SCN8A: variants seen among roughly 807,000 people sequenced by gnomAD.
SCN8A encodes the protein sodium channel protein type 8 subunit alpha.
Under a neutral mutation model 184.1 loss-of-function variants are expected in SCN8A, and 30 were observed. The observed-to-expected ratio is 0.16, with a 90% confidence interval of 0.12 to 0.22. The LOEUF (loss-of-function observed/expected upper bound fraction) is 0.22. Among genes scored for constraint, SCN8A ranks in the 10% least tolerant of loss-of-function variants. SCN8A has a pLI of 1.00. For synonymous variants in SCN8A, 852 were observed against 907.0 expected, an observed-to-expected ratio of 0.94 and a Z score of 1.09; for missense variants, 1,057 against 2,498.9, an observed-to-expected ratio of 0.42 and a Z score of 12.30.
chr12:51,791,338 C>T (rs1031554379), intron 25 of SCN8A, among the ~76,000 whole-genome samples: 1 of 152,120 alleles, frequency 6.6e-6, no homozygotes, highest in Non-Finnish European at 1.5e-5. Context: ...CTCCCCTCAC[C>T]CCCACACGCC....
intron 12 of SCN8A, among the ~76,000 whole-genome samples, chr12:51,727,240 T>TA (rs1565901785): frequency 6.6e-6 from 1 of 152,078 alleles, no homozygotes; most frequent in Non-Finnish European, 1.5e-5. Flanking sequence ...CCAAAGAACT[T>TA]ACTTAAGGTT....
chr12:51,737,981 A>C (rs916236319), intron 12 of SCN8A, among the ~76,000 whole-genome samples: 8 of 152,148 alleles, frequency 5.3e-5, no homozygotes, highest in African/African-American at 1.9e-4. Flanking sequence ...TAAAGCCTCC[A>C]ATTTTTCTTT....
chr12:51,772,010 A>G (rs535500683), intron 19 of SCN8A, among the ~76,000 whole-genome samples: 52 of 152,294 alleles, frequency 3.4e-4, no homozygotes, highest in African/African-American at 1.2e-3. Flanking sequence ...TTTACTGCTC[A>G]CCTTTGACAG....
chr12:51,751,365 G>C lies in SCN8A; in HGVS notation c.2142G>C (p.Glu714Asp). Residue 714 changes from glutamate to aspartate, a missense_variant, in exon 14 of 27, where the codon GAG (glutamate) becomes GAC (aspartate). By Grantham distance (45) the Glu-to-Asp change is conservative (BLOSUM62 2). This residue lies in a region of SCN8A where 322 missense variants were observed against 390.1 expected (regional missense o/e 0.83). Coordinates refer to ENST00000627620, the MANE Select transcript of SCN8A (RefSeq NM_001330260.2). ...VTNTLVEELE[E>D]SQRKCPPCWY... is the part of the protein sequence containing the mutation. Reference sequence around the variant, plus strand: ...TCTTACTTACTGTAGAACTGGAAGAGTCTCAGAGAAAGTGCCCGCCATGCT... The same window carrying C: ...TCTTACTTACTGTAGAACTGGAAGACTCTCAGAGAAAGTGCCCGCCATGCT... 1 of 1,612,852 alleles carries C rather than the reference G, an allele frequency of 6.2e-7. No homozygotes were observed. Among genetic ancestry groups the C allele is most frequent in the African/African-American group, 1.3e-5 (1 of 75,026 alleles).
intron 17 of SCN8A, 81 bp from the exon 18 acceptor site, chr12:51,769,787 C>A: frequency 1.1e-6 from 1 of 906,104 alleles, no homozygotes; most frequent in Non-Finnish European, 1.8e-6. Flanking sequence ...GCCCCTCATC[C>A]CCACCAGAGG....
chr12:51,682,041 T>C (rs1470079064), intron 2 of SCN8A, among the ~76,000 whole-genome samples: 2 of 152,218 alleles, frequency 1.3e-5, no homozygotes, highest in African/African-American at 4.8e-5. Context: ...ACTTTTATTA[T>C]GAAAGGTGTT....
rs567764105 is a variant in SCN8A at position 51,660,211 on chromosome 12, G to A, written c.-54-2553G>A. Among the ~76,000 whole-genome samples the A allele has an allele frequency of 2.0e-5, 3 of 152,256 alleles. No individual in the cohort carries two copies. In the South Asian group the frequency reaches 6.2e-4, roughly 32 times the overall value. ...GTAAAGGGAGAAGATACAGGAAAAG[G>A]TACAATTGAAGATGGGATGAAGAGC... On this transcript the variant is annotated intron_variant, in intron 1 of 26. Transcript: ENST00000627620.
At chr12:51,624,117 G>A (rs1200121978) in intron 1 of SCN8A, among the ~76,000 whole-genome samples, 1 of 152,190 alleles carries the variant, frequency 6.6e-6, no homozygotes, top group Non-Finnish European at 1.5e-5. Flanking sequence ...AGTCCTTTGG[G>A]TATATACCCA....
At chr12:51,637,882 T>C (rs1940353236) in intron 1 of SCN8A, among the ~76,000 whole-genome samples, 1 of 152,196 alleles carries the variant, frequency 6.6e-6, no homozygotes, top group Non-Finnish European at 1.5e-5. Flanking sequence ...AGGACTTTCA[T>C]AGCTAGAGAG....
At chr12:51,708,707 A>G (rs1030792855) in intron 11 of SCN8A, among the ~76,000 whole-genome samples, 3 of 151,930 alleles carry the variant, frequency 2.0e-5, no homozygotes, top group Admixed American at 6.6e-5. Flanking sequence ...TGGCTTTACA[A>G]TTGTATTATT....
chr12:51,712,958 C>A, intron 11 of SCN8A: 1 of 1,593,078 alleles, frequency 6.3e-7, no homozygotes, highest in Non-Finnish European at 8.6e-7. Context: ...GATCCACCTC[C>A]ACGACCTGTC....
chr12:51,719,804 C>T lies in SCN8A; in HGVS notation c.1636-1742C>T, dbSNP rs568068617. 4.6e-5 allele frequency among the ~76,000 whole-genome samples: 7 copies of T among 151,898 alleles called. No individual in the cohort carries two copies. In the East Asian group the frequency reaches 5.8e-4, roughly 13 times the overall value. ...ATGCTAAAGAATTCTTGGCCGGGCGCGGTGGCTCACGCCTGTAATCCCAGC... is the reference window on the plus strand; with the variant it reads ...ATGCTAAAGAATTCTTGGCCGGGCGTGGTGGCTCACGCCTGTAATCCCAGC... On this transcript the variant is annotated intron_variant, in intron 11 of 26. Transcript: ENST00000627620.
intron 13 of SCN8A, among the ~76,000 whole-genome samples, chr12:51,750,154 G>A (rs983903672): frequency 3.3e-5 from 5 of 152,174 alleles, no homozygotes; most frequent in Admixed American, 1.3e-4. Flanking sequence ...TGATTTTTCA[G>A]TCTGTGTGTA....
intron 2 of SCN8A, among the ~76,000 whole-genome samples, chr12:51,676,668 C>G (rs1010616491): frequency 1.2e-4 from 19 of 152,176 alleles, no homozygotes; most frequent in African/African-American, 4.6e-4. Context: ...AATGAGAGGA[C>G]CAGTTAGTTC....
At chr12:51,591,839 C>T (rs1277315796) in intron 1 of SCN8A, among the ~76,000 whole-genome samples, 3 of 151,974 alleles carry the variant, frequency 2.0e-5, no homozygotes, top group African/African-American at 7.2e-5. Flanking sequence ...GCCGGCTTCA[C>T]ACTGCTAAAA....
At chr12:51,727,698 C>G (rs1230325987) in intron 12 of SCN8A, among the ~76,000 whole-genome samples, 2 of 152,180 alleles carry the variant, frequency 1.3e-5, no homozygotes, top group East Asian at 3.8e-4. Context: ...AATAGTAGCT[C>G]ATGCCTGTAA....
At chr12:51,782,971 C>T (rs972553667) in intron 21 of SCN8A, among the ~76,000 whole-genome samples, 3 of 152,192 alleles carry the variant, frequency 2.0e-5, no homozygotes, top group African/African-American at 7.2e-5. Context: ...AAAGCGTCTA[C>T]ATCAAGATTT....
intron 26 of SCN8A, 150 bp downstream of exon 26, chr12:51,794,791 C>A: frequency 1.4e-6 from 1 of 695,904 alleles, no homozygotes; most frequent in Non-Finnish European, 2.3e-6. Flanking sequence ...TGAGTCATCT[C>A]GGGGGCCTGC....
chr12:51,611,495 T>C (rs140219331), intron 1 of SCN8A, among the ~76,000 whole-genome samples: 66 of 150,838 alleles, frequency 4.4e-4, no homozygotes, highest in Non-Finnish European at 8.1e-4. Flanking sequence ...ATATAATTTG[T>C]TTGTTTGTTT....
Sources: allele counts gnomAD v4.1 joint callset (sites outside exome capture counted in the v4.1 genomes callset), GRCh38; gene constraint gnomAD v4.1.1; regional missense constraint gnomAD v4.1.1; transcripts MANE v1.5; gene names NCBI Gene and HGNC (gene_info 2026-07-23, HGNC 2026-07-21).